GREB1L: variants seen among roughly 807,000 people sequenced by gnomAD.
The protein encoded by GREB1L is GREB1 like retinoic acid receptor coactivator, also known as GREB1-like protein.
A neutral mutation model predicts 200.8 loss-of-function variants in GREB1L; 17 were observed. The observed-to-expected ratio is 0.08, with a 90% CI of 0.06 to 0.13. GREB1L has a LOEUF of 0.13. GREB1L is among the 10% of genes least tolerant of loss of function. The probability of loss-of-function intolerance (pLI) is 1.00; values close to 1 mark genes in which losing one functional copy is unlikely to be tolerated. For synonymous variants in GREB1L, 789 were observed against 893.0 expected (o/e 0.88, Z 2.08); for missense variants, 1,657 against 2,367.7 (o/e 0.70, Z 6.23).
intron 15 of GREB1L, among the ~76,000 whole-genome samples, chr18:21,462,829 T>C (rs1344319473): frequency 1.3e-5 from 2 of 152,184 alleles, no homozygotes; most frequent in East Asian, 3.9e-4. Context: ...TTGAAAATGA[T>C]TTATATATTC....
In GREB1L at chr18:21,488,246, A is replaced by T. The variant is rs572534133; in HGVS notation, c.2691-1766A>T. Among the ~76,000 whole-genome samples, 16 of 152,346 alleles carry T rather than the reference A, an allele frequency of 1.1e-4. No homozygotes were observed. In the South Asian group the frequency reaches 3.1e-3, roughly 30 times the overall value. On this transcript the variant is annotated intron_variant, in intron 18 of 32. Coordinates refer to ENST00000424526, the MANE Select transcript of GREB1L (RefSeq NM_001142966.3). ...GGGAAGCGAAGGTTGCAGTGAGCCA[A>T]GATTGCACTACTGCACTCCAGCCTG...
chr18:21,446,673 A>C (rs2034241991), intron 11 of GREB1L, among the ~76,000 whole-genome samples: 1 of 152,090 alleles, frequency 6.6e-6, no homozygotes, highest in African/African-American at 2.4e-5. Flanking sequence ...TTATTTCTTT[A>C]TTTCTTGCCT....
At chr18:21,329,957 TG>T (rs1489363674) in intron 1 of GREB1L, among the ~76,000 whole-genome samples, 14 of 115,828 alleles carry the variant, frequency 1.2e-4, no homozygotes, top group Admixed American at 3.6e-4. Context: ...TTACCCACAA[TG>T]GTTTTTTTTT....
intron 1 of GREB1L, among the ~76,000 whole-genome samples, chr18:21,352,079 C>T (rs1392503496): frequency 6.6e-6 from 1 of 152,098 alleles, no homozygotes; most frequent in African/African-American, 2.4e-5. Context: ...AACTCCTGAC[C>T]TCGTGATCCA....
intron 1 of GREB1L, among the ~76,000 whole-genome samples, chr18:21,271,782 A>G (rs2038083715): frequency 6.6e-6 from 1 of 152,144 alleles, no homozygotes; most frequent in Non-Finnish European, 1.5e-5. Context: ...TTCTTTTATC[A>G]GGGAAGGAAA....
At chr18:21,344,945 C>G (rs13381498) in intron 1 of GREB1L, among the ~76,000 whole-genome samples, 7,715 of 152,196 alleles carry the variant, frequency 0.051, 660 homozygotes, top group African/African-American at 0.18. Context: ...CTTTGACTGC[C>G]TTTGGCTGAG....
At position 21,440,371 on chromosome 18, in the gene GREB1L, G is replaced by A. The variant is rs371959545; in HGVS notation, c.1052G>A (p.Arg351His). 2.6e-5 allele frequency: 40 copies of A among 1,551,482 alleles called. No homozygotes were observed. Among genetic ancestry groups the A allele is most frequent in the South Asian group, 1.3e-4 (11 of 84,022 alleles). The change falls in exon 9 of 33, where the codon CGC (arginine) becomes CAC (histidine). Residue 351 changes from arginine to histidine, a missense_variant. Coordinates refer to ENST00000424526, the MANE Select transcript of GREB1L (RefSeq NM_001142966.3). ...PGLVVPVPTV[R>H]PLSRTEPLLS... ...TTAGTTGTACCTGTCCCTACAGTTC[G>A]CCCTCTTTCAAGAACGGGTAAGATT...
At chr18:21,448,872 G>A (rs767804245) in intron 11 of GREB1L, among the ~76,000 whole-genome samples, 1 of 152,142 alleles carries the variant, frequency 6.6e-6, no homozygotes, top group Non-Finnish European at 1.5e-5. Flanking sequence ...TGCTCCAACT[G>A]GTTGGAGAAG....
chr18:21,353,167 G>T (rs1598686788), intron 1 of GREB1L, among the ~76,000 whole-genome samples: 1 of 150,482 alleles, frequency 6.6e-6, no homozygotes, highest in East Asian at 1.9e-4. Context: ...AGGTGACAAA[G>T]TGAGACTCTG....
chr18:21,337,813 C>T (rs865990012), intron 1 of GREB1L, among the ~76,000 whole-genome samples: 3 of 151,910 alleles, frequency 2.0e-5, no homozygotes, highest in South Asian at 4.2e-4. Context: ...AGTGAAACCC[C>T]GTCTCTACTA....
intron 7 of GREB1L, among the ~76,000 whole-genome samples, chr18:21,427,585 T>C (rs78709152): frequency 0.041 from 6,282 of 152,286 alleles, 439 homozygotes; most frequent in African/African-American, 0.14. Context: ...TTCTGTTTAT[T>C]CCTAAGTAGT....
chr18:21,523,657 G>A lies in GREB1L; in HGVS notation c.*836G>A, dbSNP rs188448296. Reference sequence around the variant, plus strand: ...TTTCAGCAGGTAACCTGCACCCACCGTTTGGTTGGAATTAAGCAGTTGGCA... The same window carrying A: ...TTTCAGCAGGTAACCTGCACCCACCATTTGGTTGGAATTAAGCAGTTGGCA... On this transcript the variant is annotated 3_prime_UTR_variant, in exon 33 of 33. Transcript: ENST00000424526. The A allele has an allele frequency of 1.1e-4, 17 of 152,326 alleles. No individual in the cohort carries two copies. Among genetic ancestry groups the A allele is most frequent in the African/African-American group, 4.1e-4 (17 of 41,562 alleles). 9.4% of individuals were successfully genotyped at this position (152,326 alleles called of 1,614,324 possible).
At position 21,523,073 on chromosome 18, in the gene GREB1L, G is replaced by A. The variant is rs998129139; in HGVS notation, c.*252G>A. On this transcript the variant is annotated 3_prime_UTR_variant, in exon 33 of 33. Coordinates refer to ENST00000424526, the MANE Select transcript of GREB1L (RefSeq NM_001142966.3). ...CAGTTATGCAATTACTTAAGATACGGTCTGCCCATGGGATCCTGAGGAGGA... is the reference window on the plus strand; with the variant it reads ...CAGTTATGCAATTACTTAAGATACGATCTGCCCATGGGATCCTGAGGAGGA... 2.8e-6 allele frequency: 1 copy of A among 362,596 alleles called. No individual in the cohort carries two copies. The highest frequency in any genetic ancestry group is 2.1e-5 in the African/African-American group (1 of 47,878). The allele number at this position is 362,596 out of a possible 1,614,324, so 22.5% of individuals were successfully genotyped here. A position where few individuals can be genotyped will look rare whatever the true frequency, so the allele number is the denominator to read the frequency against.
chr18:21,518,061 C>A lies in GREB1L; in HGVS notation c.5299C>A (p.Pro1767Thr). The change falls in exon 31 of 33, where the codon CCC (proline) becomes ACC (threonine). Residue 1767 changes from proline to threonine, a missense_variant. Around this residue, in one of 9 missense-constraint regions of GREB1L, gnomAD observed 190 missense variants for 230.2 expected, o/e 0.83. Coordinates refer to ENST00000424526, the MANE Select transcript of GREB1L (RefSeq NM_001142966.3). ...MVSESLAPIL[P>T]LQYICAPDSE... Reference sequence around the variant, plus strand: ...GTCAGAGAGCTTAGCACCCATCTTGCCCCTTCAATACATCTGTGCTCCCGA... The same window carrying A: ...GTCAGAGAGCTTAGCACCCATCTTGACCCTTCAATACATCTGTGCTCCCGA... 6.4e-7 allele frequency: 1 copy of A among 1,551,586 alleles called. No homozygotes were observed. The highest frequency in any genetic ancestry group is 8.7e-7 in the Non-Finnish European group (1 of 1,146,906).
chr18:21,384,006 A>C (rs2040433425), intron 3 of GREB1L, among the ~76,000 whole-genome samples, 200 bp from the exon 4 acceptor site: 1 of 152,092 alleles, frequency 6.6e-6, no homozygotes, highest in African/African-American at 2.4e-5. Context: ...GAGCCACTGC[A>C]CCCGGCCACT....
chr18:21,458,400 AAC>A (rs1246167304), intron 15 of GREB1L, among the ~76,000 whole-genome samples: 1 of 152,182 alleles, frequency 6.6e-6, no homozygotes, highest in Non-Finnish European at 1.5e-5. Context: ...CAGAAGGAGA[AAC>A]AGTGTCCAAG....
intron 5 of GREB1L, 108 bp downstream of exon 5, chr18:21,395,669 G>T (rs1401148067): frequency 1.5e-5 from 11 of 757,694 alleles, no homozygotes; most frequent in Non-Finnish European, 1.9e-5. Flanking sequence ...GATTATTTGG[G>T]GATTATATAG....
At chr18:21,254,775 C>T (rs1247538865) in intron 1 of GREB1L, among the ~76,000 whole-genome samples, 3 of 152,058 alleles carry the variant, frequency 2.0e-5, no homozygotes. Flanking sequence ...TTTCACTATC[C>T]CAAGATATTT....
chr18:21,444,025 C>T (rs1371485453), intron 10 of GREB1L, among the ~76,000 whole-genome samples, 199 bp from the exon 11 acceptor site: 1 of 152,204 alleles, frequency 6.6e-6, no homozygotes, highest in Non-Finnish European at 1.5e-5. Context: ...CTTTCCTGTT[C>T]ATTTAACTTA....
Sources: gnomAD v4.1 joint callset for allele counts (sites outside exome capture counted in the v4.1 genomes callset) on GRCh38, gnomAD v4.1.1 for gene constraint, gnomAD v4.1.1 regional missense constraint, MANE v1.5 for transcripts, NCBI Gene and HGNC (gene_info 2026-07-23, HGNC 2026-07-21) for gene names.